Variants in CXCL13 observed in about 807,000 individuals in gnomAD.
The protein encoded by CXCL13 is C-X-C motif chemokine ligand 13, also known as C-X-C motif chemokine 13.
Under a neutral mutation model 12.2 loss-of-function variants are expected in CXCL13, and 7 were observed. That is an observed-to-expected ratio of 0.57 (90% confidence interval 0.33 to 1.07). The LOEUF (loss-of-function observed/expected upper bound fraction) is 1.07. Among genes scored for constraint, CXCL13 ranks in the 50% least tolerant of loss-of-function variants. CXCL13 has a pLI of 0.04. For synonymous variants in CXCL13, 47 were observed against 42.4 expected (o/e 1.11, Z -0.42); for missense variants, 113 against 127.4 (o/e 0.89, Z 0.55).
chr4:77,597,430 C>T (rs1726790476), intron 1 of CXCL13, among the ~76,000 whole-genome samples: 1 of 152,104 alleles, frequency 6.6e-6, no homozygotes, highest in Admixed American at 6.5e-5. Context: ...CAAGGAGCTT[C>T]TCCATGTGTT....
chr4:77,523,791 C>T (rs545610442), intron 1 of CXCL13, among the ~76,000 whole-genome samples: 5 of 152,318 alleles, frequency 3.3e-5, no homozygotes, highest in Non-Finnish European at 7.4e-5. Context: ...AGAAGAGGTC[C>T]TCTGGTTTTT....
chr4:77,605,600 T>C (rs768062707), upstream of CXCL13, among the ~76,000 whole-genome samples: 3 of 152,190 alleles, frequency 2.0e-5, no homozygotes, highest in Non-Finnish European at 2.9e-5. Flanking sequence ...CTCAGATTTC[T>C]CCAGTGTCTC....
intron 1 of CXCL13, among the ~76,000 whole-genome samples, chr4:77,571,001 C>A (rs1357799304): frequency 3.9e-5 from 6 of 152,148 alleles, no homozygotes; most frequent in Admixed American, 3.9e-4. Context: ...CCGCTCCCTG[C>A]TCCACGGTGC....
At chr4:77,523,729 T>G (rs1724681390) in intron 1 of CXCL13, among the ~76,000 whole-genome samples, 2 of 152,218 alleles carry the variant, frequency 1.3e-5, no homozygotes, top group African/African-American at 2.4e-5. Flanking sequence ...TCAAAGTCAT[T>G]CTCTGTCCAG....
chr4:77,543,662 T>C (rs1302712084), intron 1 of CXCL13, among the ~76,000 whole-genome samples: 1 of 152,184 alleles, frequency 6.6e-6, no homozygotes, highest in Non-Finnish European at 1.5e-5. Context: ...AATTGTGTGA[T>C]TTGAAAAGAT....
chr4:77,590,874 A>C lies in CXCL13; in HGVS notation c.-42-14950A>C, dbSNP rs530841381. Among the ~76,000 whole-genome samples the C allele has an allele frequency of 2.0e-3, 306 of 152,268 alleles. 1 individual carries two copies. Among genetic ancestry groups the C allele is most frequent in the Non-Finnish European group, 3.6e-3 (242 of 68,008 alleles). ...ATTAATAAGAAATGTTACCTGTCTCATACTATTTATTTGTTTATTTATTGA... is the reference window on the plus strand; with the variant it reads ...ATTAATAAGAAATGTTACCTGTCTCCTACTATTTATTTGTTTATTTATTGA... On this transcript the variant is annotated intron_variant, in intron 1 of 4. Coordinates refer to the CXCL13 transcript ENST00000286758.
At chr4:77,542,482 T>C in intron 1 of CXCL13, among the ~76,000 whole-genome samples, 1 of 152,138 alleles carries the variant, frequency 6.6e-6, no homozygotes, top group East Asian at 1.9e-4. Context: ...GGTGTCTTAG[T>C]CTGTTCTCAT....
intron 1 of CXCL13, among the ~76,000 whole-genome samples, chr4:77,539,612 C>A (rs1452531986): frequency 6.6e-6 from 1 of 152,142 alleles, no homozygotes; most frequent in African/African-American, 2.4e-5. Flanking sequence ...CTTCTTTTAC[C>A]AGTTGAATGT....
chr4:77,564,186 T>G (rs182325449), intron 1 of CXCL13, among the ~76,000 whole-genome samples: 2 of 152,266 alleles, frequency 1.3e-5, no homozygotes, highest in Admixed American at 6.5e-5. Flanking sequence ...AAAAGAATGG[T>G]AAGAGGAAGA....
At chr4:77,560,936 A>G (rs965381695) in intron 1 of CXCL13, among the ~76,000 whole-genome samples, 1 of 152,018 alleles carries the variant, frequency 6.6e-6, no homozygotes, top group Admixed American at 6.6e-5. Flanking sequence ...TCTATCCTAT[A>G]TATTTGTCAC....
chr4:77,591,857 T>C (rs562290561), intron 1 of CXCL13, among the ~76,000 whole-genome samples: 2 of 152,358 alleles, frequency 1.3e-5, no homozygotes, highest in South Asian at 2.1e-4. Flanking sequence ...TGACAGACTT[T>C]GGCATCAGGA....
At chr4:77,602,964 G>T (rs58647525), upstream of CXCL13, among the ~76,000 whole-genome samples, 4,825 of 152,212 alleles carry the variant, frequency 0.032, 230 homozygotes, top group African/African-American at 0.11. Context: ...AGGCTTCTTT[G>T]GTCTAAATAA....
At chr4:77,544,120 C>A (rs1220199788) in intron 1 of CXCL13, among the ~76,000 whole-genome samples, 2 of 152,156 alleles carry the variant, frequency 1.3e-5, no homozygotes, top group Non-Finnish European at 2.9e-5. Flanking sequence ...AGTACATGTG[C>A]AACATTTTCT....
intron 1 of CXCL13, among the ~76,000 whole-genome samples, chr4:77,598,289 C>T (rs1187757143): frequency 6.6e-6 from 1 of 152,184 alleles, no homozygotes; most frequent in African/African-American, 2.4e-5. Context: ...GGAGACTCTG[C>T]AGAGAGATTC....
intron 1 of CXCL13, among the ~76,000 whole-genome samples, chr4:77,572,593 G>A (rs1232325317): frequency 5.3e-5 from 8 of 151,828 alleles, no homozygotes; most frequent in Non-Finnish European, 2.9e-5. Context: ...AAAAATAGAT[G>A]TTCGTGAGGT....
At chr4:77,610,537 C>T in intron 2 of CXCL13, 77 bp from the exon 3 acceptor site, 1 of 1,172,782 alleles carries the variant, frequency 8.5e-7, no homozygotes, top group Non-Finnish European at 1.2e-6. Flanking sequence ...ATTTTCATAC[C>T]AAACTCTTTT....
intron 1 of CXCL13, among the ~76,000 whole-genome samples, chr4:77,525,262 G>A (rs1190143277): frequency 6.6e-6 from 1 of 152,236 alleles, no homozygotes; most frequent in East Asian, 1.9e-4. Context: ...ACTGACTGTT[G>A]ATGTGTGTAA....
At position 77,519,056 on chromosome 4, in the gene CXCL13, A is replaced by C. The variant is rs183948507; in HGVS notation, c.-43+7268A>C. On this transcript the variant is annotated intron_variant, in intron 1 of 4. Coordinates refer to the CXCL13 transcript ENST00000286758. Reference sequence around the variant, plus strand: ...GTCTGTTGGAGTTTGCTAGAGGTCCACTCCAGATCCTGTTTGCCTGGGTAT... The same window carrying C: ...GTCTGTTGGAGTTTGCTAGAGGTCCCCTCCAGATCCTGTTTGCCTGGGTAT... Among the ~76,000 whole-genome samples the C allele has an allele frequency of 2.8e-3, 427 of 152,164 alleles. 4 individuals are homozygous for C. The highest frequency in any genetic ancestry group is 0.01 in the African/African-American group (416 of 41,536).
At chr4:77,559,839 G>A (rs551247792) in intron 1 of CXCL13, among the ~76,000 whole-genome samples, 12 of 150,294 alleles carry the variant, frequency 8.0e-5, no homozygotes, top group South Asian at 4.2e-4. Context: ...GGAGACTGGC[G>A]TGAACCTGGG....
Sources: allele counts gnomAD v4.1 joint callset (sites outside exome capture counted in the v4.1 genomes callset), GRCh38; gene constraint gnomAD v4.1.1; transcripts MANE v1.5; gene names NCBI Gene and HGNC (gene_info 2026-07-23, HGNC 2026-07-21).